Variants in ZFAT observed in about 807,000 individuals in gnomAD.
The protein encoded by ZFAT is zinc finger and AT-hook domain containing, also known as zinc finger protein ZFAT.
A neutral mutation model predicts 117.7 loss-of-function variants in ZFAT; 64 were observed. The observed-to-expected ratio is 0.54, with a 90% CI of 0.44 to 0.67. The LOEUF (loss-of-function observed/expected upper bound fraction) is 0.67. Among genes scored for constraint, ZFAT ranks in the 30% least tolerant of loss-of-function variants. ZFAT has a pLI of 0.00. For missense variants in ZFAT, 1,433 were observed against 1,584.5 expected, an observed-to-expected ratio of 0.90 and a Z score of 1.62; for synonymous variants, 679 against 615.0, an observed-to-expected ratio of 1.10 and a Z score of -1.54.
chr8:134,744,936 A>G, the ZFAT span, among the ~76,000 whole-genome samples: 9 of 151,620 alleles, frequency 5.9e-5, no homozygotes, highest in South Asian at 2.1e-4. Context: ...TCACCATGTT[A>G]GCCAGGATGG....
the ZFAT span, among the ~76,000 whole-genome samples, chr8:134,735,590 C>T: frequency 6.6e-5 from 10 of 152,118 alleles, no homozygotes; most frequent in African/African-American, 2.4e-4. Context: ...AATTTTATTC[C>T]CTTTTTTGAC....
intron 1 of ZFAT, among the ~76,000 whole-genome samples, chr8:134,709,394 G>C (rs1173961120): frequency 6.6e-6 from 1 of 152,220 alleles, no homozygotes; most frequent in Non-Finnish European, 1.5e-5. Context: ...GGGTCCCAAG[G>C]GTTCTGTGAC....
At chr8:134,511,406 C>G (rs569870043) in intron 14 of ZFAT, among the ~76,000 whole-genome samples, 2 of 152,164 alleles carry the variant, frequency 1.3e-5, no homozygotes, top group Non-Finnish European at 2.9e-5. Flanking sequence ...GGCCTCGACT[C>G]TCCCGTCTGC....
chr8:134,540,086 G>A lies in ZFAT; in HGVS notation c.2977-7114C>T, dbSNP rs73363346. 7.1e-3 allele frequency among the ~76,000 whole-genome samples: 1,087 copies of A among 152,300 alleles called. 12 individuals carry two copies. The highest frequency in any genetic ancestry group is 0.025 in the African/African-American group (1,035 of 41,556). Reference sequence around the variant, plus strand: ...ACTGTGGTCTTTAATCAGTTCATTAGCATATTAGCACAGGCAACTAGTAGA... The same window carrying A: ...ACTGTGGTCTTTAATCAGTTCATTAACATATTAGCACAGGCAACTAGTAGA... On this transcript the variant is annotated intron_variant, in intron 11 of 15. Coordinates refer to ENST00000377838, the MANE Select transcript of ZFAT (RefSeq NM_020863.4).
chr8:134,528,552 T>C (rs1425326526), intron 12 of ZFAT, among the ~76,000 whole-genome samples: 2 of 152,192 alleles, frequency 1.3e-5, no homozygotes, highest in Non-Finnish European at 2.9e-5. Context: ...TGCATACATA[T>C]TTACATTTTT....
intron 2 of ZFAT, among the ~76,000 whole-genome samples, chr8:134,651,674 G>A (rs1409714073): frequency 1.3e-5 from 2 of 152,050 alleles, no homozygotes; most frequent in Non-Finnish European, 2.9e-5. Flanking sequence ...GTATAGAGAA[G>A]GACTAGCAAA....
At position 134,478,923 on chromosome 8, in the gene ZFAT, G is replaced by C. The variant is rs923743907; in HGVS notation, c.3493-202C>G. 6.6e-6 allele frequency among the ~76,000 whole-genome samples: 1 copy of C among 152,188 alleles called. No homozygotes were observed. The highest frequency in any genetic ancestry group is 2.4e-5 in the African/African-American group (1 of 41,452). ...ATGAGGTTCAGCAATGTAGGGCAAC[G>C]TGGTCAGGGTCCCCAGCCGTGGCAA... On this transcript the variant is annotated intron_variant, in intron 15 of 15. Transcript: ENST00000377838. This position sits in a 1 kb window ranked among gnomAD's most constrained non-coding sequence, Gnocchi z 5.2.
At chr8:134,784,236 GAGT>G in the ZFAT span, 4 of 152,148 alleles carry the variant, frequency 2.6e-5, no homozygotes, top group Non-Finnish European at 5.9e-5. Context: ...ATGGGCCAGG[GAGT>G]AGATGTGACT....
At chr8:134,659,404 A>T (rs1320369616) in intron 1 of ZFAT, among the ~76,000 whole-genome samples, 1 of 152,152 alleles carries the variant, frequency 6.6e-6, no homozygotes, top group African/African-American at 2.4e-5. Flanking sequence ...TATCTCTGAT[A>T]TTGTCTGGAA....
chr8:134,522,143 G>T (rs1355790370), intron 12 of ZFAT, among the ~76,000 whole-genome samples: 1 of 152,228 alleles, frequency 6.6e-6, no homozygotes, highest in Non-Finnish European at 1.5e-5. Flanking sequence ...GTCCTCCCAA[G>T]TGGAGGCTGC....
the ZFAT span, among the ~76,000 whole-genome samples, chr8:134,820,750 C>T: frequency 4.6e-5 from 7 of 152,102 alleles, no homozygotes; most frequent in African/African-American, 1.2e-4. Flanking sequence ...AAGTATAATC[C>T]GACTACAGAA....
chr8:134,616,037 G>A (rs1263962536), intron 3 of ZFAT, among the ~76,000 whole-genome samples: 2 of 152,170 alleles, frequency 1.3e-5, no homozygotes, highest in African/African-American at 4.8e-5. Flanking sequence ...GGGGGTGGGA[G>A]GTGAGGCAGG....
chr8:134,522,849 T>C (rs907181402), intron 12 of ZFAT, among the ~76,000 whole-genome samples: 3 of 152,224 alleles, frequency 2.0e-5, no homozygotes, highest in African/African-American at 4.8e-5. Flanking sequence ...CCCTATACTA[T>C]TGTCGACTTC....
At chr8:134,658,024 G>A (rs1333429609) in intron 1 of ZFAT, among the ~76,000 whole-genome samples, 2 of 152,176 alleles carry the variant, frequency 1.3e-5, no homozygotes, top group African/African-American at 2.4e-5. Flanking sequence ...CAGATTCTGG[G>A]ATAAGTACAG....
chr8:134,829,249 G>A, the ZFAT span, among the ~76,000 whole-genome samples: 1 of 152,208 alleles, frequency 6.6e-6, no homozygotes, highest in Admixed American at 6.5e-5. Context: ...CTAAAAATAT[G>A]AAATTTTTGT....
At chr8:134,587,560 G>A (rs780757559) in intron 9 of ZFAT, among the ~76,000 whole-genome samples, 2 of 152,312 alleles carry the variant, frequency 1.3e-5, no homozygotes, top group Non-Finnish European at 2.9e-5. Context: ...GTGTCTGGAA[G>A]GGCTTTCCCT....
At chr8:134,813,006 G>A in the ZFAT span, among the ~76,000 whole-genome samples, 1 of 152,176 alleles carries the variant, frequency 6.6e-6, no homozygotes, top group African/African-American at 2.4e-5. Flanking sequence ...TGTCTGTGCT[G>A]TTAACTGAGA....
intron 12 of ZFAT, 32 bp from the exon 13 acceptor site, chr8:134,521,033 T>C: frequency 4.7e-6 from 7 of 1,503,746 alleles, no homozygotes; most frequent in South Asian, 2.3e-5. Context: ...AAAAAAAAAA[T>C]GTGTTCGTAA....
rs1018441576 is a variant in ZFAT, at chr8:134,601,867, T to C, written c.1852A>G (p.Met618Val). ...GTCTGGACTGAGCTTCTGTGCTGCA[T>C]GTCTGGGGGCTTCTCAGGAGCAGCA... The part of the protein sequence containing the change: ...AHAAPEKPPD[M>V]QHRSSVQTQG... Residue 618 changes from methionine (M) to valine (V), a missense_variant, in exon 6 of 16, where the codon ATG (methionine) becomes GTG (valine). Met to Val is a conservative substitution (Grantham distance 21). Around this residue, in one of 5 missense-constraint regions of ZFAT, gnomAD observed 372 missense variants for 355.6 expected, o/e 1.05. Transcript: ENST00000377838. The C allele has an allele frequency of 1.7e-5, 27 of 1,612,714 alleles. No homozygotes were observed. Among genetic ancestry groups the C allele is most frequent in the Non-Finnish European group, 2.2e-5 (26 of 1,179,216 alleles).
Sources: allele counts gnomAD v4.1 joint callset (sites outside exome capture counted in the v4.1 genomes callset), GRCh38; gene constraint gnomAD v4.1.1; regional missense constraint gnomAD v4.1.1; non-coding constraint Gnocchi (gnomAD v3.1); transcripts MANE v1.5; gene names NCBI Gene and HGNC (gene_info 2026-07-23, HGNC 2026-07-21).